The following MAGI2 variants were observed in gnomAD, a reference collection of about 807,000 sequenced individuals.
MAGI2 encodes the protein membrane-associated guanylate kinase, WW and PDZ domain-containing protein 2.
A neutral mutation model predicts 133.3 loss-of-function variants in MAGI2; 35 were observed. The observed-to-expected ratio is 0.26, with a 90% CI of 0.20 to 0.35. The LOEUF is 0.35. MAGI2 is among the 10% of genes least tolerant of loss of function. The probability of loss-of-function intolerance (pLI) is 1.00; values close to 1 mark genes in which losing one functional copy is unlikely to be tolerated. For synonymous variants in MAGI2, 729 were observed against 710.6 expected (o/e 1.03, Z -0.41); for missense variants, 1,636 against 1,863.4 (o/e 0.88, Z 2.25).
At chr7:78,253,935 G>GC (rs1792697449) in intron 10 of MAGI2, 1 of 152,152 alleles carries the variant, frequency 6.6e-6, no homozygotes, top group Admixed American at 6.5e-5. Context: ...TAAGCATGGT[G>GC]CTAGTTCCTA....
intron 2 of MAGI2, among the ~76,000 whole-genome samples, chr7:78,667,655 C>T (rs1394701544): frequency 6.6e-6 from 1 of 151,154 alleles, no homozygotes; most frequent in African/African-American, 2.4e-5. Context: ...GTTTTTTGTC[C>T]TTGCGACAGT....
At chr7:78,428,709 C>G (rs1429515897) in intron 6 of MAGI2, among the ~76,000 whole-genome samples, 1 of 152,182 alleles carries the variant, frequency 6.6e-6, no homozygotes, top group African/African-American at 2.4e-5. Flanking sequence ...TGGCCTCTCA[C>G]CTTCCATTGG....
At chr7:79,211,314 T>A (rs943918600) in intron 1 of MAGI2, among the ~76,000 whole-genome samples, 3 of 152,058 alleles carry the variant, frequency 2.0e-5, no homozygotes, top group African/African-American at 7.3e-5. Flanking sequence ...TCTTGTTCTG[T>A]CATCCAGGCT....
intron 6 of MAGI2, among the ~76,000 whole-genome samples, chr7:78,392,543 G>A (rs1359631554): frequency 6.6e-6 from 1 of 152,158 alleles, no homozygotes; most frequent in Non-Finnish European, 1.5e-5. Flanking sequence ...AGGTTGAAGA[G>A]TCTGAAGTAA....
chr7:78,573,606 C>A (rs1801962792), intron 3 of MAGI2, among the ~76,000 whole-genome samples: 1 of 149,756 alleles, frequency 6.7e-6, no homozygotes, highest in African/African-American at 2.5e-5. Flanking sequence ...TATTTGTTTC[C>A]TTTGGATTTA....
chr7:78,178,340 G>C (rs1158236187), intron 13 of MAGI2, among the ~76,000 whole-genome samples: 1 of 152,138 alleles, frequency 6.6e-6, no homozygotes, highest in Non-Finnish European at 1.5e-5. Context: ...ATTACCAGAA[G>C]CAGAAAGAGT....
chr7:78,875,104 G>T (rs1928913), intron 2 of MAGI2, among the ~76,000 whole-genome samples: 3,085 of 152,254 alleles, frequency 0.02, 97 homozygotes, highest in African/African-American at 0.07. Flanking sequence ...AAAAATCTGA[G>T]TATGAACTCT....
chr7:79,082,395 T>A (rs2129541961), intron 1 of MAGI2, among the ~76,000 whole-genome samples: 1 of 152,182 alleles, frequency 6.6e-6, no homozygotes, highest in East Asian at 1.9e-4. Flanking sequence ...TTTATATTTG[T>A]ACATGGCTGG....
chr7:78,488,615 G>A lies in MAGI2; in HGVS notation c.1045+1146C>T, dbSNP rs187851898. Among the ~76,000 whole-genome samples the A allele has an allele frequency of 1.1e-3, 167 of 152,074 alleles. 4 individuals are homozygous for A. In the East Asian group the frequency reaches 0.03, roughly 27 times the overall value. On this transcript the variant is annotated intron_variant, in intron 6 of 21. Coordinates refer to ENST00000354212, the MANE Select transcript of MAGI2 (RefSeq NM_012301.4). Reference sequence around the variant, plus strand: ...AGTTCTGATCATACAATAATTTTATGGGATTCAACTGCATACAGTTGTACT... The same window carrying A: ...AGTTCTGATCATACAATAATTTTATAGGATTCAACTGCATACAGTTGTACT...
chr7:79,090,545 T>G (rs1429435323), intron 1 of MAGI2, among the ~76,000 whole-genome samples: 1 of 152,070 alleles, frequency 6.6e-6, no homozygotes, highest in African/African-American at 2.4e-5. Context: ...TTCATAGACA[T>G]GAGACAAGGA....
intron 1 of MAGI2, among the ~76,000 whole-genome samples, chr7:79,270,856 T>G (rs1463313985): frequency 6.6e-6 from 1 of 152,164 alleles, no homozygotes; most frequent in East Asian, 1.9e-4. Context: ...CTCTAGTTTC[T>G]TCATACCACT....
At chr7:79,018,451 G>A (rs1414629519) in intron 1 of MAGI2, among the ~76,000 whole-genome samples, 1 of 152,112 alleles carries the variant, frequency 6.6e-6, no homozygotes, top group Non-Finnish European at 1.5e-5. Context: ...GCACATTTAA[G>A]TACATAGACT....
At chr7:78,726,920 T>G (rs1394608197) in intron 2 of MAGI2, among the ~76,000 whole-genome samples, 2 of 121,162 alleles carry the variant, frequency 1.7e-5, no homozygotes, top group Admixed American at 7.9e-5. Flanking sequence ...GATGCATGGG[T>G]TTTTTTTTTT....
chr7:78,655,404 AAAAACAAAAC>A (rs756481844), intron 2 of MAGI2, among the ~76,000 whole-genome samples: 100 of 149,912 alleles, frequency 6.7e-4, no homozygotes, highest in African/African-American at 2.2e-3. Flanking sequence ...GGCTTATACA[AAAAACAAAAC>A]AAAACAAAAC....
At chr7:78,425,794 C>A (rs1223217037) in intron 6 of MAGI2, among the ~76,000 whole-genome samples, 1 of 152,202 alleles carries the variant, frequency 6.6e-6, no homozygotes, top group Non-Finnish European at 1.5e-5. Flanking sequence ...AGAGGCATAT[C>A]ATTGGGTTAA....
At chr7:78,718,517 A>T (rs1819942537) in intron 2 of MAGI2, among the ~76,000 whole-genome samples, 1 of 151,992 alleles carries the variant, frequency 6.6e-6, no homozygotes, top group Admixed American at 6.6e-5. Context: ...TAGAAGCAGG[A>T]ACCCTATCTT....
chr7:78,890,939 C>T (rs889591846), intron 2 of MAGI2, among the ~76,000 whole-genome samples: 1 of 151,958 alleles, frequency 6.6e-6, no homozygotes, highest in East Asian at 1.9e-4. Context: ...GAATCCAGGA[C>T]CTGGTTTTTT....
intron 1 of MAGI2, among the ~76,000 whole-genome samples, chr7:79,245,874 G>A (rs1832786650): frequency 6.6e-6 from 1 of 152,108 alleles, no homozygotes; most frequent in Non-Finnish European, 1.5e-5. Context: ...CAGCGGTGGT[G>A]GCCAGAGGAG....
intron 2 of MAGI2, among the ~76,000 whole-genome samples, chr7:78,630,706 C>A (rs554412595): frequency 6.6e-6 from 1 of 152,020 alleles, no homozygotes; most frequent in African/African-American, 2.4e-5. Flanking sequence ...TGAGCCACTG[C>A]GCCCGGCTGT....
Sources: allele counts gnomAD v4.1 joint callset (sites outside exome capture counted in the v4.1 genomes callset), GRCh38; gene constraint gnomAD v4.1.1; transcripts MANE v1.5; gene names NCBI Gene and HGNC (gene_info 2026-07-23, HGNC 2026-07-21).